Variants in SLC24A2 observed in about 807,000 individuals in gnomAD.
SLC24A2 encodes sodium/potassium/calcium exchanger 2.
SLC24A2 carries 36 observed loss-of-function variants against 62.0 expected under a neutral mutation model. The ratio of observed to expected loss-of-function variants is 0.58; its 90% CI spans 0.44 to 0.77. SLC24A2 has a LOEUF of 0.77. SLC24A2 is among the 30% of genes least tolerant of loss of function. The pLI is 0.00. For synonymous variants in SLC24A2, 358 were observed against 294.0 expected, an observed-to-expected ratio of 1.22 and a Z score of -2.23; for missense variants, 846 against 817.9, an observed-to-expected ratio of 1.03 and a Z score of -0.42.
the SLC24A2 span, among the ~76,000 whole-genome samples, chr9:19,817,000 C>G: frequency 1.3e-5 from 2 of 152,134 alleles, no homozygotes; most frequent in African/African-American, 4.8e-5. Context: ...AATAAGTATT[C>G]ATAGAATGCA....
At chr9:19,959,759 T>A in the SLC24A2 span, among the ~76,000 whole-genome samples, 1 of 152,194 alleles carries the variant, frequency 6.6e-6, no homozygotes, top group East Asian at 1.9e-4. Flanking sequence ...AACTTAACAA[T>A]TGCTGGTACT....
chr9:19,566,771 T>C (rs1835668427), intron 7 of SLC24A2, among the ~76,000 whole-genome samples: 1 of 152,238 alleles, frequency 6.6e-6, no homozygotes, highest in Non-Finnish European at 1.5e-5. Context: ...CATGGAATAC[T>C]ATGCAGCCAT....
intron 9 of SLC24A2, among the ~76,000 whole-genome samples, chr9:19,527,311 A>C (rs994225997): frequency 6.6e-6 from 1 of 152,178 alleles, no homozygotes; most frequent in Non-Finnish European, 1.5e-5. Context: ...GATTTTGGGT[A>C]ATCTTACCAA....
rs1264647887 is a variant in SLC24A2 at position 19,636,382 on chromosome 9, T to C, written c.931-14083A>G. Among the ~76,000 whole-genome samples, 60 of 11,428 alleles carry C rather than the reference T, an allele frequency of 5.3e-3. 2 individuals carry two copies. The highest frequency in any genetic ancestry group is 0.026 in the Middle Eastern group (1 of 38). The allele number at this position is 11,428 out of a possible 152,430, so 7.5% of individuals were successfully genotyped here. A position where few individuals can be genotyped will look rare whatever the true frequency, so the allele number is the denominator to read the frequency against. On this transcript the variant is annotated intron_variant, in intron 2 of 10. Transcript: ENST00000341998. ...TTCTTTCTTTCTTTCTTTCTTTCTT[T>C]CTTTCTCCCTCTCTCTCTCTCTCTC... is the stretch of plus-strand genomic sequence containing the variant.
chr9:20,047,733 C>A, the SLC24A2 span, among the ~76,000 whole-genome samples: 1 of 150,646 alleles, frequency 6.6e-6, no homozygotes, highest in Non-Finnish European at 1.5e-5. Flanking sequence ...CTAATCCCAA[C>A]CACGAGGGCC....
intron 2 of SLC24A2, among the ~76,000 whole-genome samples, chr9:19,640,287 A>T (rs1467610689): frequency 6.6e-6 from 1 of 152,230 alleles, no homozygotes; most frequent in Non-Finnish European, 1.5e-5. Context: ...CTGCATAAAG[A>T]AGAGCAGATT....
the SLC24A2 span, among the ~76,000 whole-genome samples, chr9:19,914,898 A>G: frequency 6.6e-6 from 1 of 152,122 alleles, no homozygotes; most frequent in Non-Finnish European, 1.5e-5. Flanking sequence ...GGAGTTCTGC[A>G]CACATTTGAT....
chr9:19,706,253 A>T (rs1438458859), intron 2 of SLC24A2, among the ~76,000 whole-genome samples: 12 of 151,754 alleles, frequency 7.9e-5, no homozygotes, highest in African/African-American at 2.9e-4. Context: ...CTAGGATTGC[A>T]ACCCCTGCCT....
At chr9:19,796,785 A>G in the SLC24A2 span, among the ~76,000 whole-genome samples, 1 of 152,238 alleles carries the variant, frequency 6.6e-6, no homozygotes, top group East Asian at 1.9e-4. Flanking sequence ...TTCTTTTGAG[A>G]AGATCTTTAA....
At chr9:20,053,930 G>T in the SLC24A2 span, among the ~76,000 whole-genome samples, 5 of 133,720 alleles carry the variant, frequency 3.7e-5, no homozygotes, top group Non-Finnish European at 9.1e-5. Context: ...TCAATGTTTA[G>T]GTCCATCTGG....
At chr9:19,608,121 T>A (rs1250090889) in intron 4 of SLC24A2, among the ~76,000 whole-genome samples, 6 of 152,228 alleles carry the variant, frequency 3.9e-5, no homozygotes, top group Non-Finnish European at 8.8e-5. Context: ...GTGAAGATTT[T>A]CACTCATTTG....
At chr9:20,273,381 G>A in the SLC24A2 span, among the ~76,000 whole-genome samples, 4 of 152,134 alleles carry the variant, frequency 2.6e-5, no homozygotes, top group African/African-American at 4.8e-5. Flanking sequence ...TTAACAAAAA[G>A]CATCCAAAGT....
chr9:20,111,143 G>T, the SLC24A2 span, among the ~76,000 whole-genome samples: 1,595 of 152,270 alleles, frequency 0.01, 10 homozygotes, highest in Non-Finnish European at 0.017. Context: ...ATGGTGGATG[G>T]CATCAACCTG....
At chr9:19,666,629 A>G (rs923057786) in intron 2 of SLC24A2, among the ~76,000 whole-genome samples, 1 of 152,182 alleles carries the variant, frequency 6.6e-6, no homozygotes, top group Non-Finnish European at 1.5e-5. Flanking sequence ...TGTAGAGAGT[A>G]TATATTTCTT....
chr9:19,852,162 C>CT, the SLC24A2 span, among the ~76,000 whole-genome samples: 1 of 152,104 alleles, frequency 6.6e-6, no homozygotes, highest in East Asian at 1.9e-4. Context: ...CCTTTGCCCA[C>CT]TTTTTAATGG....
rs1836795190 is a variant in SLC24A2, at chr9:19,599,761, G to T, written c.1079-2482C>A. 6.6e-6 allele frequency among the ~76,000 whole-genome samples: 1 copy of T among 152,190 alleles called. No individual in the cohort carries two copies. Among genetic ancestry groups the T allele is most frequent in the Non-Finnish European group, 1.5e-5 (1 of 68,030 alleles). On this transcript the variant is annotated intron_variant, in intron 4 of 10. Transcript: ENST00000341998. This position sits in a 1 kb window ranked among gnomAD's most constrained non-coding sequence, Gnocchi z 4.5. ...AGAGCTCATCATGCACTTGGCTGGG[G>T]TCCTACAGCCCATGATGCCTCCTGG...
At chr9:19,552,018 A>C (rs1161928970) in intron 7 of SLC24A2, among the ~76,000 whole-genome samples, 1 of 152,192 alleles carries the variant, frequency 6.6e-6, no homozygotes, top group Non-Finnish European at 1.5e-5. Context: ...AATTAAAGGG[A>C]TTAGGTATAA....
the SLC24A2 span, among the ~76,000 whole-genome samples, chr9:20,004,269 T>C: frequency 2.6e-5 from 4 of 152,194 alleles, no homozygotes; most frequent in East Asian, 1.9e-4. Context: ...TTTCCTTCCA[T>C]TGGCCTAACA....
chr9:20,077,689 C>T, the SLC24A2 span, among the ~76,000 whole-genome samples: 2 of 152,282 alleles, frequency 1.3e-5, no homozygotes, highest in Middle Eastern at 3.4e-3. Flanking sequence ...TTCTTTGCAC[C>T]TTAAGAATTT....
Sources: gnomAD v4.1 joint callset for allele counts (sites outside exome capture counted in the v4.1 genomes callset) on GRCh38, gnomAD v4.1.1 for gene constraint, Gnocchi (gnomAD v3.1) non-coding constraint, MANE v1.5 for transcripts, NCBI Gene and HGNC (gene_info 2026-07-23, HGNC 2026-07-21) for gene names.